Variants in UBASH3B observed in about 807,000 individuals in gnomAD.
The protein encoded by UBASH3B is ubiquitin associated and SH3 domain containing B.
UBASH3B carries 37 observed loss-of-function variants against 83.4 expected under a neutral mutation model. That is an observed-to-expected ratio of 0.44 (90% confidence interval 0.34 to 0.58). The LOEUF is 0.58. Among genes scored for constraint, UBASH3B ranks in the 20% least tolerant of loss-of-function variants. UBASH3B has a pLI of 0.01. For missense variants in UBASH3B, 657 were observed against 827.2 expected (o/e 0.79, Z 2.52); for synonymous variants, 304 against 318.3 (o/e 0.96, Z 0.48).
In UBASH3B at chr11:122,779,571, G is replaced by C; in HGVS notation, c.477G>C (p.Ser159=). 1 of 1,614,148 alleles carries C rather than the reference G, an allele frequency of 6.2e-7. No homozygotes were observed. The highest frequency in any genetic ancestry group is 8.5e-7 in the Non-Finnish European group (1 of 1,180,034). ...TTVSRWKCKF[S]APLPLELYTS... is the part of the protein sequence containing the mutation. ...TCAGTCGCTGGAAATGTAAGTTCTC[G>C]GCCCCGCTGCCCCTGGAGCTCTATA... Residue 159 remains serine, a synonymous_variant, in exon 4 of 14, where the codon TCG becomes TCC. Transcript: ENST00000284273.
chr11:122,727,554 A>G (rs1460918940), intron 1 of UBASH3B: 2 of 152,206 alleles, frequency 1.3e-5, no homozygotes, highest in Non-Finnish European at 2.9e-5. Flanking sequence ...CACCAGGCCC[A>G]GCAAGCCCCG....
chr11:122,797,064 C>A, intron 9 of UBASH3B, 31 bp downstream of exon 9: 1 of 1,536,484 alleles, frequency 6.5e-7, no homozygotes, highest in South Asian at 1.3e-5. Flanking sequence ...GCACTCCAGG[C>A]ATTTCTTGCC....
rs1213760135 is a variant in UBASH3B, at chr11:122,691,815, A to G, written c.161+35605A>G. Among the ~76,000 whole-genome samples the G allele has an allele frequency of 2.6e-5, 4 of 152,094 alleles. No homozygotes were observed. In the East Asian group the frequency reaches 7.7e-4, roughly 29 times the overall value. On this transcript the variant is annotated intron_variant, in intron 1 of 13. Transcript: ENST00000284273. ...CCCCTGGCTTGAGCAAAAGGCTGTGATGGCCATTTGTGACGGGGTTCTGTG... is the reference window on the plus strand; with the variant it reads ...CCCCTGGCTTGAGCAAAAGGCTGTGGTGGCCATTTGTGACGGGGTTCTGTG...
At chr11:122,666,663 C>T (rs1023657632) in intron 1 of UBASH3B, among the ~76,000 whole-genome samples, 21 of 152,068 alleles carry the variant, frequency 1.4e-4, no homozygotes, top group Non-Finnish European at 2.4e-4. Flanking sequence ...GTGATCCACC[C>T]GCCTCGGCCT....
In UBASH3B at chr11:122,774,626, T is replaced by C. The variant is rs548912224; in HGVS notation, c.162-1593T>C. On this transcript the variant is annotated intron_variant, in intron 1 of 13. Coordinates refer to ENST00000284273, the MANE Select transcript of UBASH3B (RefSeq NM_032873.5). The stretch of plus-strand genomic sequence containing the variant: ...AGGAGGGGGTGAGTTTAGCAGCCAG[T>C]TGGGGAAAGGATGCTTGCAGAGTGT... Among the ~76,000 whole-genome samples the C allele has an allele frequency of 6.6e-5, 10 of 152,248 alleles. No individual in the cohort carries two copies. The South Asian group carries it at 1.0e-3, about 16-fold the overall frequency.
intron 1 of UBASH3B, among the ~76,000 whole-genome samples, chr11:122,761,625 CAGA>C (rs1861371400): frequency 6.6e-6 from 1 of 151,996 alleles, no homozygotes; most frequent in Non-Finnish European, 1.5e-5. Context: ...GAAACCGTTT[CAGA>C]AGGACTAAAA....
chr11:122,688,887 G>A (rs1191140113), intron 1 of UBASH3B, among the ~76,000 whole-genome samples: 1 of 151,220 alleles, frequency 6.6e-6, no homozygotes, highest in African/African-American at 2.4e-5. Flanking sequence ...CTCGTGATCC[G>A]CCTGCCTGGG....
intron 1 of UBASH3B, among the ~76,000 whole-genome samples, chr11:122,699,587 CT>C (rs2135927465): frequency 9.9e-6 from 1 of 100,614 alleles, no homozygotes; most frequent in East Asian, 2.8e-4. Flanking sequence ...TCTTTCTTTC[CT>C]TTCTTTTTTT....
At chr11:122,706,106 C>CTTTTTTTTTTTTTTTTT (rs36055058) in intron 1 of UBASH3B, among the ~76,000 whole-genome samples, 2 of 127,032 alleles carry the variant, frequency 1.6e-5, no homozygotes, top group African/African-American at 3.1e-5. Context: ...TCTTTTCTTT[C>CTTTTTTTTTTTTTTTTT]TTTTTTTTTT....
intron 1 of UBASH3B, among the ~76,000 whole-genome samples, chr11:122,770,641 T>C (rs1383101100): frequency 6.6e-6 from 1 of 152,216 alleles, no homozygotes; most frequent in African/African-American, 2.4e-5. Context: ...TGTGTCTCTT[T>C]AATGATACCT....
At chr11:122,792,463 T>C (rs1861075147) in intron 6 of UBASH3B, among the ~76,000 whole-genome samples, 1 of 151,726 alleles carries the variant, frequency 6.6e-6, no homozygotes, top group African/African-American at 2.4e-5. Flanking sequence ...GGACTACAGG[T>C]GTGTGCCACC....
intron 5 of UBASH3B, among the ~76,000 whole-genome samples, chr11:122,785,729 A>G (rs1860936359): frequency 6.6e-6 from 1 of 152,262 alleles, no homozygotes; most frequent in South Asian, 2.1e-4. Context: ...GACAACTTAT[A>G]TAAATCTCCA....
At chr11:122,760,641 G>C (rs1861355969) in intron 1 of UBASH3B, among the ~76,000 whole-genome samples, 1 of 152,180 alleles carries the variant, frequency 6.6e-6, no homozygotes, top group Non-Finnish European at 1.5e-5. Context: ...GATTACAGGT[G>C]TGAGCCACTG....
chr11:122,670,687 C>T (rs1304466843), intron 1 of UBASH3B, among the ~76,000 whole-genome samples: 7 of 152,068 alleles, frequency 4.6e-5, no homozygotes, highest in African/African-American at 1.7e-4. Context: ...TCTAAGTCTT[C>T]TGGTAAGAGT....
chr11:122,724,300 G>A (rs1054408899), intron 1 of UBASH3B, among the ~76,000 whole-genome samples: 1 of 152,212 alleles, frequency 6.6e-6, no homozygotes, highest in Non-Finnish European at 1.5e-5. Context: ...AGGAGCAGAT[G>A]AATTATTATG....
In UBASH3B at chr11:122,695,232, G is replaced by A. The variant is rs1395169673; in HGVS notation, c.161+39022G>A. 2.0e-5 allele frequency among the ~76,000 whole-genome samples: 3 copies of A among 152,132 alleles called. No individual in the cohort carries two copies. The East Asian group carries it at 5.8e-4, about 29-fold the overall frequency. On this transcript the variant is annotated intron_variant, in intron 1 of 13. Coordinates refer to ENST00000284273, the MANE Select transcript of UBASH3B (RefSeq NM_032873.5). ...ACCCGTCTTGGCCTCCCAAAGTGCT[G>A]GGATTGCAGGCGTGAGCCACCGCGC...
chr11:122,678,024 C>T (rs1863690231), intron 1 of UBASH3B, among the ~76,000 whole-genome samples: 1 of 152,216 alleles, frequency 6.6e-6, no homozygotes, highest in Admixed American at 6.5e-5. Context: ...CTCCTGACCT[C>T]AGGTGATGTG....
At chr11:122,771,243 T>G (rs1276863551) in intron 1 of UBASH3B, among the ~76,000 whole-genome samples, 1 of 151,982 alleles carries the variant, frequency 6.6e-6, no homozygotes, top group Non-Finnish European at 1.5e-5. Flanking sequence ...TTTTTTTTTT[T>G]TTTTCTGAGA....
intron 1 of UBASH3B, among the ~76,000 whole-genome samples, chr11:122,683,378 G>A (rs1863767725): frequency 6.6e-6 from 1 of 152,064 alleles, no homozygotes; most frequent in African/African-American, 2.4e-5. Flanking sequence ...AGTGTGGGAG[G>A]CCAAGGCGGG....
Sources: gnomAD v4.1 joint callset for allele counts (sites outside exome capture counted in the v4.1 genomes callset) on GRCh38, gnomAD v4.1.1 for gene constraint, MANE v1.5 for transcripts, NCBI Gene and HGNC (gene_info 2026-07-23, HGNC 2026-07-21) for gene names.